Variants in GLOD4 observed in about 807,000 individuals in gnomAD.
The protein encoded by GLOD4 is glyoxalase domain-containing protein 4.
In GLOD4, 44 loss-of-function variants were observed where a neutral mutation model predicts 39.1. That is an observed-to-expected ratio of 1.13 (90% CI 0.88 to 1.45). GLOD4 has a LOEUF of 1.45. GLOD4 is among the 40% of genes most tolerant of loss of function. The pLI is 0.00. For missense variants in GLOD4, 405 were observed against 366.4 expected, an observed-to-expected ratio of 1.11 and a Z score of -0.86; for synonymous variants, 145 against 135.0, an observed-to-expected ratio of 1.07 and a Z score of -0.52.
chr17:778,713 C>A lies in GLOD4; in HGVS notation c.122G>T (p.Cys41Phe). The change falls in exon 2 of 9, where the codon TGC becomes TTC. Residue 41 changes from cysteine (C) to phenylalanine (F), a missense_variant. Transcript: ENST00000301329. ...ATCATACCCATTACAGGCAGCTTTGCAGCCTTCTTCAAATTCCTCATGCCG... is the reference window on the plus strand; with the variant it reads ...ATCATACCCATTACAGGCAGCTTTGAAGCCTTCTTCAAATTCCTCATGCCG... ...VLRHEEFEEG[C>F]KAACNGPYDG... 6.2e-7 allele frequency: 1 copy of A among 1,601,138 alleles called. No individual in the cohort carries two copies. Among genetic ancestry groups the A allele is most frequent in the Non-Finnish European group, 8.6e-7 (1 of 1,168,110 alleles).
upstream of GLOD4, chr17:783,105 T>G: frequency 6.2e-7 from 1 of 1,613,744 alleles, no homozygotes; most frequent in Non-Finnish European, 8.5e-7. Context: ...AATAGTAAAG[T>G]CCAGGCCATT....
At chr17:762,460 G>T (rs1233853027) in intron 8 of GLOD4, among the ~76,000 whole-genome samples, 1 of 151,044 alleles carries the variant, frequency 6.6e-6, no homozygotes, top group East Asian at 2.0e-4. Flanking sequence ...GGGATGAAGG[G>T]GAATAATTTC....
At chr17:768,409 C>T (rs576458428) in intron 8 of GLOD4, among the ~76,000 whole-genome samples, 2 of 138,936 alleles carry the variant, frequency 1.4e-5, no homozygotes, top group African/African-American at 2.8e-5. Context: ...AAACAGCGCG[C>T]GCTCAGATTT....
At chr17:782,508 TC>T, upstream of GLOD4, 2 of 1,613,458 alleles carry the variant, frequency 1.2e-6, no homozygotes. Flanking sequence ...GGTGTTTCCT[TC>T]CGGAGAGGTG....
chr17:764,421 G>A (rs1006033970), intron 8 of GLOD4: 1 of 152,208 alleles, frequency 6.6e-6, no homozygotes, highest in African/African-American at 2.4e-5. Context: ...ACCTCTCGTG[G>A]ACAAACGATG....
upstream of GLOD4, among the ~76,000 whole-genome samples, chr17:783,821 C>T (rs982942156): frequency 5.3e-5 from 8 of 152,172 alleles, no homozygotes; most frequent in Non-Finnish European, 1.0e-4. Context: ...TGTTGTGGCT[C>T]TTTATGGTCT....
At chr17:776,037 T>A in intron 3 of GLOD4, 118 bp from the exon 4 acceptor site, 1 of 725,454 alleles carries the variant, frequency 1.4e-6, no homozygotes, top group South Asian at 1.8e-5. Flanking sequence ...AAGATTTAAC[T>A]GGCATCCAAC....
intron 8 of GLOD4, among the ~76,000 whole-genome samples, chr17:763,003 C>T (rs992468069): frequency 2.0e-5 from 3 of 151,728 alleles, no homozygotes; most frequent in Non-Finnish European, 2.9e-5. Flanking sequence ...GGTGAAACCC[C>T]GTCTCTACTA....
chr17:769,300 G>GC (rs1907456716), intron 8 of GLOD4, among the ~76,000 whole-genome samples: 1 of 146,924 alleles, frequency 6.8e-6, no homozygotes. Flanking sequence ...ACGGATGGAG[G>GC]CATCTCCATG....
chr17:771,576 G>A (rs371941481), intron 4 of GLOD4, 115 bp from the exon 5 acceptor site: 9 of 624,472 alleles, frequency 1.4e-5, no homozygotes, highest in East Asian at 9.3e-5. Flanking sequence ...GGGATTTTAA[G>A]CCAGTATGAA....
chr17:781,222 T>G (rs1337565087), intron 1 of GLOD4, among the ~76,000 whole-genome samples: 1 of 152,154 alleles, frequency 6.6e-6, no homozygotes, highest in Non-Finnish European at 1.5e-5. Flanking sequence ...CGCCGGCACG[T>G]GTTTAATCTT....
rs1206149598 is a variant in GLOD4 at position 775,977 on chromosome 17, A to C, written c.262-58T>G. ...ATCACAACAGATATTTTACAGAACAAGACAATGAGCCCAACCCCTATTGCC... is the reference window on the plus strand; with the variant it reads ...ATCACAACAGATATTTTACAGAACACGACAATGAGCCCAACCCCTATTGCC... On this transcript the variant is annotated intron_variant, in intron 3 of 8. Transcript: ENST00000301329. 42 of 1,462,932 alleles carry C rather than the reference A, an allele frequency of 2.9e-5. No homozygotes were observed. The East Asian group carries it at 9.6e-4, about 33-fold the overall frequency. The allele number at this position is 1,462,932 out of a possible 1,614,324, so 90.6% of individuals were successfully genotyped here. A position where few individuals can be genotyped will look rare whatever the true frequency, so the allele number is the denominator to read the frequency against.
chr17:766,292 C>T (rs779406255), intron 8 of GLOD4, among the ~76,000 whole-genome samples: 6 of 149,744 alleles, frequency 4.0e-5, no homozygotes, highest in African/African-American at 9.9e-5. Context: ...AGAGAGACCC[C>T]GTCTTAAAAA....
At chr17:779,924 G>A (rs1016985975) in intron 1 of GLOD4, among the ~76,000 whole-genome samples, 1 of 152,128 alleles carries the variant, frequency 6.6e-6, no homozygotes, top group Non-Finnish European at 1.5e-5. Flanking sequence ...CAGCACTTTG[G>A]GAGGCCGAGG....
At chr17:767,508 A>C (rs1165006024) in intron 8 of GLOD4, among the ~76,000 whole-genome samples, 1 of 146,974 alleles carries the variant, frequency 6.8e-6, no homozygotes, top group Non-Finnish European at 1.5e-5. Context: ...TAAGAGGGAG[A>C]AACAGCGCGC....
upstream of GLOD4, chr17:783,337 T>C (rs371679011): frequency 1.3e-6 from 2 of 1,562,666 alleles, no homozygotes; most frequent in East Asian, 2.3e-5. Flanking sequence ...GGTTAGTGAT[T>C]ACCCAGTGTA....
chr17:778,463 G>C, intron 2 of GLOD4: 3 of 592,956 alleles, frequency 5.1e-6, no homozygotes, highest in Non-Finnish European at 3.0e-6. Flanking sequence ...ATGTGTTCCC[G>C]ACGCTCCTGA....
At chr17:783,661 G>C (rs958975894), upstream of GLOD4, 4 of 185,882 alleles carry the variant, frequency 2.2e-5, no homozygotes, top group Non-Finnish European at 4.6e-5. Context: ...TTAAGGTGTG[G>C]AGACCTAGGA....
chr17:766,164 G>A (rs1403014843), intron 8 of GLOD4, among the ~76,000 whole-genome samples: 1 of 152,082 alleles, frequency 6.6e-6, no homozygotes, highest in Non-Finnish European at 1.5e-5. Context: ...CAGGCATGGT[G>A]GCGCACGCCT....
Sources: allele counts gnomAD v4.1 joint callset (sites outside exome capture counted in the v4.1 genomes callset), GRCh38; gene constraint gnomAD v4.1.1; transcripts MANE v1.5; gene names NCBI Gene and HGNC (gene_info 2026-07-23, HGNC 2026-07-21).